The following THEMIS variants were observed in gnomAD, a reference collection of about 807,000 sequenced individuals.
THEMIS encodes the protein thymocyte selection associated, also known as protein THEMIS.
THEMIS carries 37 observed loss-of-function variants against 52.6 expected under a neutral mutation model. The ratio of observed to expected loss-of-function variants is 0.70; its 90% CI spans 0.54 to 0.93. The LOEUF is 0.93. Ranked by LOEUF, THEMIS falls within the 40% of genes least tolerant of loss-of-function variation. The pLI, the probability that THEMIS is intolerant of heterozygous loss-of-function variation, is 0.00. For missense variants in THEMIS, 808 were observed against 763.1 expected (o/e 1.06, Z -0.69); for synonymous variants, 292 against 272.7 (o/e 1.07, Z -0.70).
intron 4 of THEMIS, among the ~76,000 whole-genome samples, chr6:127,726,658 C>T (rs1386520977): frequency 6.6e-6 from 1 of 152,094 alleles, no homozygotes; most frequent in Non-Finnish European, 1.5e-5. Context: ...GTCCCACCAT[C>T]TTGATTTATG....
rs1352288911 is a variant in THEMIS, at chr6:127,795,451, C to A, written c.1758+17432G>T. 3.3e-5 allele frequency among the ~76,000 whole-genome samples: 5 copies of A among 152,130 alleles called. No individual in the cohort carries two copies. The East Asian group carries it at 9.7e-4, about 29-fold the overall frequency. On this transcript the variant is annotated intron_variant, in intron 4 of 5. Transcript: ENST00000368248. ...TCATGCCATTCTCCTGCCTCAGCCTCCTGAGTCGCTGAGACTACAGGTGCC... is the reference window on the plus strand; with the variant it reads ...TCATGCCATTCTCCTGCCTCAGCCTACTGAGTCGCTGAGACTACAGGTGCC...
intron 3 of THEMIS, among the ~76,000 whole-genome samples, chr6:127,822,411 A>G (rs961232248): frequency 6.6e-6 from 1 of 152,046 alleles, no homozygotes; most frequent in Non-Finnish European, 1.5e-5. Context: ...TGCTGTCCAT[A>G]TTTCTAAACA....
intron 4 of THEMIS, among the ~76,000 whole-genome samples, chr6:127,752,136 T>C (rs1383090245): frequency 6.6e-6 from 1 of 151,130 alleles, no homozygotes; most frequent in Non-Finnish European, 1.5e-5. Flanking sequence ...ACACAACATA[T>C]CCAAACTTAT....
chr6:127,774,399 G>T (rs966409605), intron 4 of THEMIS, among the ~76,000 whole-genome samples: 2 of 152,088 alleles, frequency 1.3e-5, no homozygotes, highest in Non-Finnish European at 1.5e-5. Context: ...TACAGACGGG[G>T]TTTCACCGTG....
At chr6:127,700,171 A>C in the THEMIS span, among the ~76,000 whole-genome samples, 13 of 151,908 alleles carry the variant, frequency 8.6e-5, no homozygotes, top group Non-Finnish European at 1.6e-4. Flanking sequence ...AATTATTTTC[A>C]TGTAATGGGA....
downstream of THEMIS, among the ~76,000 whole-genome samples, chr6:127,705,866 C>T (rs1773791668): frequency 6.6e-6 from 1 of 152,180 alleles, no homozygotes; most frequent in South Asian, 2.1e-4. Context: ...GGGATCAACA[C>T]AGTAGTATAA....
chr6:127,829,974 C>A, intron 2 of THEMIS, 40 bp from the exon 3 acceptor site: 1 of 1,459,344 alleles, frequency 6.9e-7, no homozygotes, highest in South Asian at 1.3e-5. Flanking sequence ...AGAGTTCTTA[C>A]AATGAAAGTT....
intron 4 of THEMIS, among the ~76,000 whole-genome samples, chr6:127,799,446 G>T (rs1043336134): frequency 6.6e-6 from 1 of 152,136 alleles, no homozygotes; most frequent in Non-Finnish European, 1.5e-5. Flanking sequence ...CTACATATTT[G>T]GTTTAGGCAA....
chr6:127,818,582 CAA>C (rs201551010), intron 3 of THEMIS, among the ~76,000 whole-genome samples: 11 of 110,988 alleles, frequency 9.9e-5, no homozygotes, highest in Non-Finnish European at 1.3e-4. Flanking sequence ...GTCTGGCTTT[CAA>C]AAAAAAAAAA....
intron 4 of THEMIS, among the ~76,000 whole-genome samples, chr6:127,749,547 T>C (rs917259514): frequency 3.3e-5 from 5 of 152,006 alleles, no homozygotes; most frequent in Admixed American, 3.3e-4. Context: ...TATGCCTTCA[T>C]AGGATGTGGC....
chr6:127,876,453 CCTGT>C (rs1184889594), intron 1 of THEMIS, among the ~76,000 whole-genome samples: 11 of 152,170 alleles, frequency 7.2e-5, no homozygotes, highest in Non-Finnish European at 1.3e-4. Flanking sequence ...CAGAGATGGT[CCTGT>C]CTAATTCCTT....
chr6:127,792,314 C>T (rs191395747), intron 4 of THEMIS, among the ~76,000 whole-genome samples: 6 of 152,282 alleles, frequency 3.9e-5, no homozygotes, highest in Non-Finnish European at 5.9e-5. Flanking sequence ...ACCATAAGTA[C>T]CCGTGTTCTG....
At chr6:127,735,216 A>G (rs1413632890) in intron 4 of THEMIS, among the ~76,000 whole-genome samples, 2 of 152,030 alleles carry the variant, frequency 1.3e-5, no homozygotes, top group African/African-American at 2.4e-5. Flanking sequence ...ATCTAACAAC[A>G]AGACTGAGCA....
intron 2 of THEMIS, among the ~76,000 whole-genome samples, chr6:127,833,176 G>A (rs1778759556): frequency 6.6e-6 from 1 of 151,590 alleles, no homozygotes; most frequent in East Asian, 1.9e-4. Context: ...ATAAATCATG[G>A]GAAATGTAAT....
At chr6:127,733,035 C>T (rs1774865455) in intron 4 of THEMIS, among the ~76,000 whole-genome samples, 1 of 152,102 alleles carries the variant, frequency 6.6e-6, no homozygotes, top group Non-Finnish European at 1.5e-5. Flanking sequence ...TGGTGTTGTT[C>T]GTGTTATCTC....
chr6:127,828,764 C>T (rs1778593970), intron 3 of THEMIS, among the ~76,000 whole-genome samples: 1 of 152,058 alleles, frequency 6.6e-6, no homozygotes, highest in African/African-American at 2.4e-5. Context: ...CCATCCTGGC[C>T]AACATGGTGA....
upstream of THEMIS, among the ~76,000 whole-genome samples, chr6:127,902,019 G>A (rs1781147254): frequency 6.6e-6 from 1 of 151,888 alleles, no homozygotes; most frequent in Non-Finnish European, 1.5e-5. Context: ...TCTCTTTAAG[G>A]TAAAGTAGAA....
At chr6:127,768,505 G>A (rs145597014) in intron 4 of THEMIS, among the ~76,000 whole-genome samples, 1 of 152,206 alleles carries the variant, frequency 6.6e-6, no homozygotes, top group East Asian at 1.9e-4. Context: ...GAATAGAGAT[G>A]CTAATCAATG....
At chr6:127,912,896 T>C (rs1474536842) in intron 1 of THEMIS, among the ~76,000 whole-genome samples, 1 of 152,240 alleles carries the variant, frequency 6.6e-6, no homozygotes, top group Non-Finnish European at 1.5e-5. Flanking sequence ...TGCTTTCATG[T>C]TGAAGTTAAA....
Sources: allele counts gnomAD v4.1 joint callset (sites outside exome capture counted in the v4.1 genomes callset), GRCh38; gene constraint gnomAD v4.1.1; transcripts MANE v1.5; gene names NCBI Gene and HGNC (gene_info 2026-07-23, HGNC 2026-07-21).